SDK1: variants seen among roughly 807,000 people sequenced by gnomAD.
The protein encoded by SDK1 is sidekick cell adhesion molecule 1, also known as protein sidekick-1.
Under a neutral mutation model 245.5 loss-of-function variants are expected in SDK1, and 157 were observed. That is an observed-to-expected ratio of 0.64 (90% CI 0.56 to 0.73). The LOEUF (loss-of-function observed/expected upper bound fraction) is 0.73, where lower values mean the gene tolerates loss of function less well. Among genes scored for constraint, SDK1 ranks in the 30% least tolerant of loss-of-function variants. SDK1 has a pLI of 0.00. For synonymous variants in SDK1, 1,647 were observed against 1,278.5 expected, an observed-to-expected ratio of 1.29 and a Z score of -6.15; for missense variants, 3,583 against 3,002.3, an observed-to-expected ratio of 1.19 and a Z score of -4.52.
chr7:3,572,498 G>A (rs1418562151), intron 1 of SDK1, among the ~76,000 whole-genome samples: 2 of 152,150 alleles, frequency 1.3e-5, no homozygotes, highest in African/African-American at 4.8e-5. Flanking sequence ...TGACCACAGA[G>A]GAGATAGCTG....
intron 5 of SDK1, among the ~76,000 whole-genome samples, chr7:3,898,547 C>T (rs1360230958): frequency 1.3e-5 from 2 of 152,124 alleles, no homozygotes; most frequent in Non-Finnish European, 2.9e-5. Flanking sequence ...CGGTACATTG[C>T]AAATATTTTT....
intron 10 of SDK1, among the ~76,000 whole-genome samples, chr7:3,967,819 G>A (rs1036648185): frequency 3.3e-5 from 5 of 152,212 alleles, no homozygotes; most frequent in Non-Finnish European, 5.9e-5. Context: ...GGTGGCCACC[G>A]CTCACCTCCT....
At chr7:3,703,058 C>G (rs1325058086) in intron 4 of SDK1, among the ~76,000 whole-genome samples, 1 of 117,340 alleles carries the variant, frequency 8.5e-6, no homozygotes, top group Non-Finnish European at 1.6e-5. Context: ...GAGACTCTGT[C>G]TCAAAAAAAA....
chr7:3,386,679 G>C (rs935845253), intron 1 of SDK1, among the ~76,000 whole-genome samples: 1 of 152,162 alleles, frequency 6.6e-6, no homozygotes, highest in African/African-American at 2.4e-5. Flanking sequence ...ATCAAGCCCA[G>C]ATTTTCCAGT....
At chr7:3,471,462 G>C (rs994730344) in intron 1 of SDK1, among the ~76,000 whole-genome samples, 2 of 152,080 alleles carry the variant, frequency 1.3e-5, no homozygotes, top group African/African-American at 4.8e-5. Flanking sequence ...TTTTTAATAT[G>C]TGTTAATCCT....
At chr7:3,724,386 A>G (rs925700602) in intron 4 of SDK1, among the ~76,000 whole-genome samples, 2 of 152,092 alleles carry the variant, frequency 1.3e-5, no homozygotes, top group Non-Finnish European at 2.9e-5. Context: ...CAGCCTGGGC[A>G]ACATAGTGAG....
intron 1 of SDK1, among the ~76,000 whole-genome samples, chr7:3,586,984 A>T (rs1048527143): frequency 6.6e-6 from 1 of 152,160 alleles, no homozygotes; most frequent in African/African-American, 2.4e-5. Context: ...TGAAGCAGAC[A>T]GCATAGTGCT....
In SDK1 at chr7:4,074,911, TATATA is replaced by T. The variant is rs1328516053; in HGVS notation, c.3011-2086_3011-2082del. ...GTATATATATATATATATATATATA[TATATA>T]TTTTTTTTTTTTTTTAATAAAGTTA... On this transcript the variant is annotated intron_variant, in intron 20 of 44. Transcript: ENST00000404826. Among the ~76,000 whole-genome samples the T allele has an allele frequency of 4.5e-3, 377 of 84,706 alleles. 5 individuals are homozygous for T. The highest frequency in any genetic ancestry group is 0.022 in the African/African-American group (320 of 14,368). The allele number at this position is 84,706 out of a possible 152,430, so 55.6% of individuals were successfully genotyped here. A position where few individuals can be genotyped will look rare whatever the true frequency, so the allele number is the denominator to read the frequency against.
rs531982662 is a variant in SDK1, at chr7:3,573,208, CTG to C, written c.299-45869_299-45868del. 2.1e-3 allele frequency among the ~76,000 whole-genome samples: 321 copies of C among 152,160 alleles called. 1 individual carries two copies. Among genetic ancestry groups the C allele is most frequent in the African/African-American group, 7.4e-3 (308 of 41,570 alleles). On this transcript the variant is annotated intron_variant, in intron 1 of 44. Transcript: ENST00000404826. ...GATTACCCTGGTCTCAGAGTGGAGA[CTG>C]TGCTGGGAGGGTGGAGGAAGAGTGG... is the stretch of plus-strand genomic sequence containing the variant.
chr7:3,953,494 A>G (rs1780993789), intron 7 of SDK1, among the ~76,000 whole-genome samples: 1 of 152,194 alleles, frequency 6.6e-6, no homozygotes, highest in Admixed American at 6.5e-5. Context: ...TTCTCTGCAA[A>G]GATTTTTTCA....
At chr7:3,447,447 G>A (rs1301919228) in intron 1 of SDK1, among the ~76,000 whole-genome samples, 1 of 152,024 alleles carries the variant, frequency 6.6e-6, no homozygotes, top group Non-Finnish European at 1.5e-5. Flanking sequence ...CTTCACATGT[G>A]TTGGACTTCA....
chr7:3,784,087 GTT>G (rs571219734), intron 4 of SDK1, among the ~76,000 whole-genome samples: 20 of 139,754 alleles, frequency 1.4e-4, no homozygotes, highest in African/African-American at 5.0e-4. Flanking sequence ...TCTTTTCTTT[GTT>G]TTTTTTTTTT....
At chr7:3,415,620 A>T (rs1473516603) in intron 1 of SDK1, among the ~76,000 whole-genome samples, 1 of 151,760 alleles carries the variant, frequency 6.6e-6, no homozygotes, top group African/African-American at 2.4e-5. Flanking sequence ...TTGGAAGGAT[A>T]CCCACAAGTC....
At chr7:4,079,897 AT>A (rs1205063721) in intron 22 of SDK1, among the ~76,000 whole-genome samples, 1 of 152,234 alleles carries the variant, frequency 6.6e-6, no homozygotes, top group African/African-American at 2.4e-5. Flanking sequence ...CTATATCACA[AT>A]TAGCTACTAA....
intron 5 of SDK1, among the ~76,000 whole-genome samples, chr7:3,897,487 A>G (rs1781642429): frequency 6.6e-6 from 1 of 152,268 alleles, no homozygotes; most frequent in East Asian, 1.9e-4. Context: ...TTATCTCAGC[A>G]TAATGTCTTT....
chr7:3,532,846 C>G (rs1226922736), intron 1 of SDK1, among the ~76,000 whole-genome samples: 1 of 152,128 alleles, frequency 6.6e-6, no homozygotes, highest in Non-Finnish European at 1.5e-5. Flanking sequence ...ACATGGCCCT[C>G]TTTCAGGCTC....
intron 1 of SDK1, among the ~76,000 whole-genome samples, chr7:3,516,017 G>A (rs539978289): frequency 1.3e-5 from 2 of 151,914 alleles, no homozygotes; most frequent in South Asian, 4.2e-4. Context: ...TAGTTCATCA[G>A]ATGAGAGCTA....
chr7:3,378,937 C>A (rs1781417784), intron 1 of SDK1, among the ~76,000 whole-genome samples: 1 of 152,078 alleles, frequency 6.6e-6, no homozygotes, highest in Admixed American at 6.5e-5. Flanking sequence ...CACCCCTTCC[C>A]CGGAGCAGAC....
At chr7:3,359,271 G>T (rs544711740) in intron 1 of SDK1, among the ~76,000 whole-genome samples, 1 of 152,176 alleles carries the variant, frequency 6.6e-6, no homozygotes, top group Non-Finnish European at 1.5e-5. Context: ...GCAGAGCCCG[G>T]AGGCTTGAGC....
Sources: allele counts gnomAD v4.1 joint callset (sites outside exome capture counted in the v4.1 genomes callset), GRCh38; gene constraint gnomAD v4.1.1; transcripts MANE v1.5; gene names NCBI Gene and HGNC (gene_info 2026-07-23, HGNC 2026-07-21).